The following CERS6 variants were observed in gnomAD, a reference collection of about 807,000 sequenced individuals.
CERS6 encodes the protein ceramide synthase 6.
Under a neutral mutation model 56.8 loss-of-function variants are expected in CERS6, and 26 were observed. The ratio of observed to expected loss-of-function variants is 0.46; its 90% CI spans 0.34 to 0.63. The LOEUF is 0.63. Among genes scored for constraint, CERS6 ranks in the 30% least tolerant of loss-of-function variants. The pLI is 0.01. For synonymous variants in CERS6, 164 were observed against 173.3 expected (o/e 0.95, Z 0.42); for missense variants, 415 against 467.5 (o/e 0.89, Z 1.04).
intron 6 of CERS6, among the ~76,000 whole-genome samples, chr2:168,713,024 T>G (rs1687133066): frequency 6.6e-6 from 1 of 152,130 alleles, no homozygotes. Context: ...ATCATTTACT[T>G]ATATTTTTTG....
chr2:168,503,013 CAT>C (rs201183012), intron 1 of CERS6, among the ~76,000 whole-genome samples: 260 of 152,302 alleles, frequency 1.7e-3, no homozygotes, highest in African/African-American at 5.7e-3. Flanking sequence ...ATAATCTCCA[CAT>C]GTTGAGGGAG....
intron 1 of CERS6, among the ~76,000 whole-genome samples, chr2:168,485,600 T>A (rs1221142395): frequency 6.6e-6 from 1 of 152,206 alleles, no homozygotes; most frequent in African/African-American, 2.4e-5. Context: ...AATCATACAG[T>A]GTGTAACCTT....
chr2:168,569,855 A>C (rs553288764), intron 3 of CERS6, among the ~76,000 whole-genome samples: 1 of 152,222 alleles, frequency 6.6e-6, no homozygotes, highest in Non-Finnish European at 1.5e-5. Flanking sequence ...TGTCTGCTTC[A>C]TAGGGTTGTT....
chr2:168,730,378 T>C (rs1347556997), intron 8 of CERS6, among the ~76,000 whole-genome samples: 2 of 152,236 alleles, frequency 1.3e-5, no homozygotes, highest in Admixed American at 6.5e-5. Flanking sequence ...TGGCTAGCTG[T>C]GACCAGCAGC....
intron 4 of CERS6, chr2:168,644,226 G>GC: frequency 1.1e-6 from 1 of 934,194 alleles, no homozygotes; most frequent in Non-Finnish European, 1.3e-6. Context: ...CAGATAGGGT[G>GC]CTCAGGGAAG....
intron 6 of CERS6, among the ~76,000 whole-genome samples, chr2:168,706,384 A>G (rs1686942207): frequency 6.6e-6 from 1 of 152,210 alleles, no homozygotes; most frequent in African/African-American, 2.4e-5. Flanking sequence ...TGAGTTCTTG[A>G]TCTTGAAATG....
chr2:168,485,770 A>G (rs1364246278), intron 1 of CERS6, among the ~76,000 whole-genome samples: 4 of 152,302 alleles, frequency 2.6e-5, no homozygotes, highest in East Asian at 1.9e-4. Context: ...GTTGTGTCCA[A>G]GTTTTGGCAA....
intron 8 of CERS6, among the ~76,000 whole-genome samples, chr2:168,751,173 A>C (rs1296338983): frequency 1.3e-5 from 2 of 152,226 alleles, no homozygotes; most frequent in African/African-American, 4.8e-5. Context: ...GGTTAAAAGA[A>C]TCTGCAGGCT....
intron 6 of CERS6, among the ~76,000 whole-genome samples, chr2:168,714,539 G>A (rs147823893): frequency 6.6e-4 from 100 of 152,352 alleles, no homozygotes; most frequent in African/African-American, 2.4e-3. Flanking sequence ...AATGCAAGTA[G>A]TGCCCTTCTT....
At chr2:168,701,338 A>G (rs945808392) in intron 6 of CERS6, among the ~76,000 whole-genome samples, 2 of 152,148 alleles carry the variant, frequency 1.3e-5, no homozygotes, top group Admixed American at 6.5e-5. Context: ...GTACCTCTCA[A>G]AATATGCTCT....
chr2:168,559,755 T>A (rs1553491967), intron 2 of CERS6, among the ~76,000 whole-genome samples: 6 of 14,800 alleles, frequency 4.1e-4, no homozygotes, highest in South Asian at 3.0e-3. Flanking sequence ...ATATATATAT[T>A]TCACCCTTAT....
intron 3 of CERS6, among the ~76,000 whole-genome samples, chr2:168,592,599 G>A (rs1189129499): frequency 6.6e-6 from 1 of 152,100 alleles, no homozygotes; most frequent in Non-Finnish European, 1.5e-5. Context: ...AAAGGCTGGG[G>A]GCAGTGGGGA....
intron 4 of CERS6, among the ~76,000 whole-genome samples, chr2:168,661,946 A>G (rs187191719): frequency 4.7e-4 from 72 of 152,340 alleles, no homozygotes; most frequent in African/African-American, 1.1e-3. Context: ...AATTTATACC[A>G]AAAGATTTAT....
At chr2:168,724,693 C>T (rs7595249) in intron 8 of CERS6, among the ~76,000 whole-genome samples, 2,784 of 151,966 alleles carry the variant, frequency 0.018, 89 homozygotes, top group African/African-American at 0.064. Flanking sequence ...TTCACAAACC[C>T]TGAGCTAGAC....
At position 168,711,829 on chromosome 2, in the gene CERS6, T is replaced by C. The variant is rs1336878228; in HGVS notation, c.610-3172T>C. 3.3e-5 allele frequency among the ~76,000 whole-genome samples: 5 copies of C among 151,796 alleles called. No homozygotes were observed. In the East Asian group the frequency reaches 9.7e-4, roughly 29 times the overall value. On this transcript the variant is annotated intron_variant, in intron 6 of 9. Coordinates refer to ENST00000305747, the MANE Select transcript of CERS6 (RefSeq NM_203463.3). ...TACAAATTGGCTGTTATGAAATAGATGTTCCATAATTGTTCAAGACACCTA... is the reference window on the plus strand; with the variant it reads ...TACAAATTGGCTGTTATGAAATAGACGTTCCATAATTGTTCAAGACACCTA...
chr2:168,592,867 G>A (rs1210851702), intron 3 of CERS6, among the ~76,000 whole-genome samples: 2 of 152,130 alleles, frequency 1.3e-5, no homozygotes, highest in African/African-American at 4.8e-5. Flanking sequence ...CAAACTTAGT[G>A]GCTTAAAATA....
intron 3 of CERS6, among the ~76,000 whole-genome samples, chr2:168,611,135 CA>C (rs1303656437): frequency 6.6e-6 from 1 of 152,174 alleles, no homozygotes; most frequent in African/African-American, 2.4e-5. Context: ...TAGGATTAAT[CA>C]CCAGCATCTA....
chr2:168,547,692 AAT>A lies in CERS6; in HGVS notation c.268_269del (p.Ile90TyrfsTer5). 6.2e-7 allele frequency: 1 copy of A among 1,601,726 alleles called. No homozygotes were observed. Among genetic ancestry groups the A allele is most frequent in the Non-Finnish European group, 8.6e-7 (1 of 1,168,658 alleles). On this transcript the variant is annotated frameshift_variant, in exon 2 of 10. Transcript: ENST00000305747. LOFTEE classifies it high-confidence loss of function. ...NAILEKVFTAITKHPDEKRLE... is the reference protein window; with the variant it reads ...NAILEKVFTAXTKHPDEKRLE... ...CCATTCTGGAAAAGGTCTTCACTGC[AAT>A]TACAAAGGTATGATTGTCCTTTCCT... is the stretch of plus-strand genomic sequence containing the variant.
intron 3 of CERS6, among the ~76,000 whole-genome samples, chr2:168,623,053 T>C (rs766106451): frequency 3.3e-5 from 5 of 152,186 alleles, no homozygotes; most frequent in African/African-American, 7.2e-5. Flanking sequence ...AACATCTCCA[T>C]TGAACTCAAG....
Sources: gnomAD v4.1 joint callset for allele counts (sites outside exome capture counted in the v4.1 genomes callset) on GRCh38, gnomAD v4.1.1 for gene constraint, MANE v1.5 for transcripts, NCBI Gene and HGNC (gene_info 2026-07-23, HGNC 2026-07-21) for gene names.